TBC1D5: variants seen among roughly 807,000 people sequenced by gnomAD.
The protein encoded by TBC1D5 is TBC1 domain family, member 5.
In TBC1D5, 75 loss-of-function variants were observed where a neutral mutation model predicts 100.3. The observed-to-expected ratio is 0.75, with a 90% confidence interval of 0.62 to 0.91. The LOEUF is 0.91. Ranked by LOEUF, TBC1D5 falls within the 40% of genes least tolerant of loss-of-function variation. TBC1D5 has a pLI of 0.00. For missense variants in TBC1D5, 910 were observed against 942.4 expected, an observed-to-expected ratio of 0.97 and a Z score of 0.45; for synonymous variants, 323 against 325.6, an observed-to-expected ratio of 0.99 and a Z score of 0.09.
chr3:17,667,744 G>A (rs1209841928), intron 1 of TBC1D5, among the ~76,000 whole-genome samples: 4 of 152,062 alleles, frequency 2.6e-5, no homozygotes, highest in Non-Finnish European at 5.9e-5. Context: ...GAGCCACGGT[G>A]CCCAGCCAGG....
chr3:17,258,429 G>A, intron 16 of TBC1D5, 77 bp downstream of exon 16: 2 of 1,372,030 alleles, frequency 1.5e-6, no homozygotes, highest in Non-Finnish European at 1.0e-6. Flanking sequence ...ATTGTTTTCA[G>A]CAATATGTAA....
rs757689617 is a variant in TBC1D5, at chr3:17,556,236, G to A, written c.-35-47631C>T. Among the ~76,000 whole-genome samples, 61 of 151,996 alleles carry A rather than the reference G, an allele frequency of 4.0e-4. 1 individual carries two copies. The highest frequency in any genetic ancestry group is 6.3e-4 in the Non-Finnish European group (43 of 67,982). The stretch of plus-strand genomic sequence containing the variant: ...TTTCACCATGTTGGCCAAGCTGGTC[G>A]TGAACTCTTGACCTCAGGTGATCCA... On this transcript the variant is annotated intron_variant, in intron 2 of 21. Transcript: ENST00000253692.
chr3:17,288,096 C>T (rs1187113283), intron 15 of TBC1D5, among the ~76,000 whole-genome samples: 6 of 152,186 alleles, frequency 3.9e-5, no homozygotes, highest in Non-Finnish European at 8.8e-5. Flanking sequence ...ACATTTAAAG[C>T]ACTATGATGT....
At chr3:17,331,702 T>C (rs2086885456) in intron 13 of TBC1D5, among the ~76,000 whole-genome samples, 1 of 152,138 alleles carries the variant, frequency 6.6e-6, no homozygotes, top group African/African-American at 2.4e-5. Context: ...TAATAAATCA[T>C]AAATGCTATT....
At position 17,499,919 on chromosome 3, in the gene TBC1D5, T is replaced by TG. The variant is rs954351505; in HGVS notation, c.97+8554dup. Among the ~76,000 whole-genome samples, 17 of 149,170 alleles carry TG rather than the reference T, an allele frequency of 1.1e-4. 4 individuals carry two copies. The highest frequency in any genetic ancestry group is 4.3e-4 in the African/African-American group (17 of 39,100). On this transcript the variant is annotated intron_variant, in intron 3 of 21. Coordinates refer to ENST00000253692, the Ensembl canonical transcript of TBC1D5. The stretch of plus-strand genomic sequence containing the variant: ...CTACCACCACACAACCTCCCATGTC[T>TG]GGGGGGTCCAGGAATACTAGAAAGG...
intron 1 of TBC1D5, among the ~76,000 whole-genome samples, chr3:17,650,200 G>A (rs2065410109): frequency 1.3e-5 from 2 of 152,048 alleles, no homozygotes; most frequent in African/African-American, 4.8e-5. Flanking sequence ...TAGGTGACGG[G>A]TTGATGGGTG....
chr3:17,584,846 C>A (rs2096722527), intron 2 of TBC1D5, among the ~76,000 whole-genome samples: 2 of 152,162 alleles, frequency 1.3e-5, no homozygotes, highest in African/African-American at 4.8e-5. Flanking sequence ...TTAGTAGAGA[C>A]AGGGTTTCGC....
intron 8 of TBC1D5, among the ~76,000 whole-genome samples, chr3:17,393,635 G>A (rs111565211): frequency 0.059 from 8,913 of 151,952 alleles, 506 homozygotes; most frequent in African/African-American, 0.15. Context: ...TATACAGAAC[G>A]ATGGAACAGA....
intron 1 of TBC1D5, among the ~76,000 whole-genome samples, chr3:17,662,055 A>G (rs2066715426): frequency 6.6e-6 from 1 of 151,974 alleles, no homozygotes; most frequent in Non-Finnish European, 1.5e-5. Flanking sequence ...ATGTCCAGCT[A>G]ATTTTTAAAT....
intron 12 of TBC1D5, among the ~76,000 whole-genome samples, chr3:17,373,048 A>G (rs781512102): frequency 1.3e-5 from 2 of 152,202 alleles, no homozygotes; most frequent in Admixed American, 6.5e-5. Context: ...GTTCCAAAAC[A>G]TTTTATTTAA....
At chr3:17,365,693 A>G (rs531726197) in intron 13 of TBC1D5, among the ~76,000 whole-genome samples, 3 of 152,240 alleles carry the variant, frequency 2.0e-5, no homozygotes, top group African/African-American at 7.2e-5. Context: ...GCTGGTTTCT[A>G]ATCAGTACTA....
At chr3:17,445,784 T>C (rs1265755297) in intron 3 of TBC1D5, among the ~76,000 whole-genome samples, 4 of 152,224 alleles carry the variant, frequency 2.6e-5, no homozygotes, top group African/African-American at 4.8e-5. Flanking sequence ...ACACAGTATA[T>C]ATAGGGTTCA....
chr3:17,321,270 C>T (rs1258717187), intron 13 of TBC1D5, among the ~76,000 whole-genome samples: 1 of 152,116 alleles, frequency 6.6e-6, no homozygotes, highest in African/African-American at 2.4e-5. Flanking sequence ...CACTATGTTG[C>T]CCAGGTTGGT....
At chr3:17,356,894 T>C (rs9850127) in intron 13 of TBC1D5, among the ~76,000 whole-genome samples, 75,820 of 151,922 alleles carry the variant, frequency 0.5, 20,386 homozygotes, top group African/African-American at 0.67. Context: ...CCTATGACTA[T>C]AGATTTGGTA....
At chr3:17,611,752 T>G (rs2061685553) in intron 2 of TBC1D5, among the ~76,000 whole-genome samples, 2 of 152,178 alleles carry the variant, frequency 1.3e-5, no homozygotes, top group Admixed American at 1.3e-4. Context: ...AAAGTAGAGA[T>G]AAGTCCTTCA....
chr3:17,251,437 C>G (rs1295758625), intron 16 of TBC1D5, among the ~76,000 whole-genome samples: 3 of 119,396 alleles, frequency 2.5e-5, no homozygotes, highest in South Asian at 3.1e-4. Flanking sequence ...CCCCCCCCCC[C>G]CAGTAGAAGC....
intron 17 of TBC1D5, among the ~76,000 whole-genome samples, chr3:17,236,794 G>A (rs1249804736): frequency 6.6e-6 from 1 of 151,956 alleles, no homozygotes; most frequent in Non-Finnish European, 1.5e-5. Context: ...CTTATGCATG[G>A]TAATTTGAAT....
chr3:17,483,900 G>T (rs1159745544), intron 3 of TBC1D5, among the ~76,000 whole-genome samples: 1 of 152,060 alleles, frequency 6.6e-6, no homozygotes, highest in Admixed American at 6.6e-5. Context: ...GAACAGTTTG[G>T]CCCATACCTT....
At chr3:17,570,653 A>G (rs1277022405) in intron 2 of TBC1D5, among the ~76,000 whole-genome samples, 1 of 151,898 alleles carries the variant, frequency 6.6e-6, no homozygotes, top group African/African-American at 2.4e-5. Flanking sequence ...ATGTTATTCT[A>G]CCTTTTCAGT....
Sources: gnomAD v4.1 joint callset for allele counts (sites outside exome capture counted in the v4.1 genomes callset) on GRCh38, gnomAD v4.1.1 for gene constraint, MANE v1.5 for transcripts, NCBI Gene and HGNC (gene_info 2026-07-23, HGNC 2026-07-21) for gene names.